The following CD3E variants were observed in gnomAD, a reference collection of about 807,000 sequenced individuals.
The protein encoded by CD3E is T-cell surface glycoprotein CD3 epsilon chain.
Under a neutral mutation model 34.7 loss-of-function variants are expected in CD3E, and 16 were observed. That is an observed-to-expected ratio of 0.46 (90% CI 0.31 to 0.70). CD3E has a LOEUF of 0.70. Ranked by LOEUF, CD3E falls within the 30% of genes least tolerant of loss-of-function variation. CD3E has a pLI of 0.05. For synonymous variants in CD3E, 70 were observed against 90.8 expected (o/e 0.77, Z 1.30); for missense variants, 223 against 253.9 (o/e 0.88, Z 0.83).
chr11:118,308,516 A>G, intron 4 of CD3E, 75 bp downstream of exon 4: 1 of 953,690 alleles, frequency 1.0e-6, no homozygotes, highest in Non-Finnish European at 1.7e-6. Flanking sequence ...CAATCACAGT[A>G]ACAAACCCTG....
chr11:118,313,572 GA>G, intron 6 of CD3E, 134 bp from the exon 7 acceptor site: 2 of 814,326 alleles, frequency 2.5e-6, no homozygotes, highest in South Asian at 1.5e-5. Context: ...TAAACATATT[GA>G]AGGGGGGGCT....
Position 118,312,147 on chromosome 11 carries a change from T to C in CD3E, c.86-6T>C. On this transcript the variant is annotated splice_polypyrimidine_tract_variant and splice_region_variant and intron_variant, in intron 4 of 8. Coordinates refer to ENST00000361763, the MANE Select transcript of CD3E (RefSeq NM_000733.4). ...TCTTACTGCTGTTTCCTTTTTTCAT[T>C]TTCAGGTGGTATTACACAGACACGT... is the stretch of plus-strand genomic sequence containing the variant. The C allele has an allele frequency of 1.1e-5, 17 of 1,611,708 alleles. No individual in the cohort carries two copies. The highest frequency in any genetic ancestry group is 1.4e-5 in the Non-Finnish European group (16 of 1,177,796).
chr11:118,305,027 GGT>G (rs1420464744), intron 2 of CD3E, 26 bp downstream of exon 2: 1 of 1,610,792 alleles, frequency 6.2e-7, no homozygotes, highest in East Asian at 2.2e-5. Context: ...TGGAAAGGGT[GGT>G]GTGTCTCCAG....
intron 4 of CD3E, among the ~76,000 whole-genome samples, chr11:118,309,998 A>G (rs954188652): frequency 3.3e-5 from 5 of 152,254 alleles, no homozygotes; most frequent in African/African-American, 9.6e-5. Flanking sequence ...AAATTAATAA[A>G]TAGAAATTTA....
In CD3E at chr11:118,312,435, G is replaced by A. The variant is rs895047880; in HGVS notation, c.104-183G>A. 97 of 767,214 alleles carry A rather than the reference G, an allele frequency of 1.3e-4. No homozygotes were observed. In the Admixed American group the frequency reaches 2.2e-3, roughly 17 times the overall value. The allele number at this position is 767,214 out of a possible 1,614,324, so 47.5% of individuals were successfully genotyped here. A position where few individuals can be genotyped will look rare whatever the true frequency, so the allele number is the denominator to read the frequency against. ...CTCTAGTTCCCTTCAAGGTTCTCTAGTTCCCTTCATTCCACATATCTCCTC... is the reference window on the plus strand; with the variant it reads ...CTCTAGTTCCCTTCAAGGTTCTCTAATTCCCTTCATTCCACATATCTCCTC... On this transcript the variant is annotated intron_variant, in intron 5 of 8. Transcript: ENST00000361763.
At chr11:118,304,837 G>C (rs1006363400) in intron 1 of CD3E, 57 bp from the exon 2 acceptor site, 2 of 863,762 alleles carry the variant, frequency 2.3e-6, no homozygotes, top group African/African-American at 3.3e-5. Context: ...AATGGCCCCA[G>C]GGTCCTTATC....
intron 1 of CD3E, 52 bp from the exon 2 acceptor site, chr11:118,304,842 C>T (rs1948097045): frequency 4.4e-6 from 4 of 910,416 alleles, no homozygotes; most frequent in Non-Finnish European, 7.4e-6. Context: ...CCCCAGGGTC[C>T]TTATCTCTAG....
At chr11:118,307,094 T>G (rs1948111273) in intron 2 of CD3E, among the ~76,000 whole-genome samples, 194 bp from the exon 3 acceptor site, 1 of 152,086 alleles carries the variant, frequency 6.6e-6, no homozygotes, top group African/African-American at 2.4e-5. Flanking sequence ...CCCCCAAATT[T>G]CCTGGGAACC....
intron 6 of CD3E, chr11:118,313,460 T>G: frequency 1.9e-6 from 1 of 531,760 alleles, no homozygotes. Context: ...CATTTCACGC[T>G]TCTCACAGCT....
intron 2 of CD3E, among the ~76,000 whole-genome samples, chr11:118,306,449 C>G (rs1039665056): frequency 6.6e-6 from 1 of 151,842 alleles, no homozygotes; most frequent in Non-Finnish European, 1.5e-5. Flanking sequence ...AAGCCATGAT[C>G]AAGCCACTGC....
At chr11:118,310,937 G>A (rs997253584) in intron 4 of CD3E, among the ~76,000 whole-genome samples, 7 of 152,154 alleles carry the variant, frequency 4.6e-5, no homozygotes, top group South Asian at 2.1e-4. Context: ...CTGAGCAACT[G>A]GGTCAGAGTT....
rs2134770205 is a variant in CD3E at position 118,315,723 on chromosome 11, A to G, written c.*181A>G. On this transcript the variant is annotated 3_prime_UTR_variant, in exon 9 of 9. Coordinates refer to ENST00000361763, the MANE Select transcript of CD3E (RefSeq NM_000733.4). Reference sequence around the variant, plus strand: ...CTCCCTGCCTTCTCTGCTGGTACCCAGTCCTAAAATATTGCTGCTTCCTCT... The same window carrying G: ...CTCCCTGCCTTCTCTGCTGGTACCCGGTCCTAAAATATTGCTGCTTCCTCT... 1 of 657,526 alleles carries G rather than the reference A, an allele frequency of 1.5e-6. No homozygotes were observed. Among genetic ancestry groups the G allele is most frequent in the South Asian group, 1.7e-5 (1 of 59,236 alleles). 40.7% of individuals were successfully genotyped at this position (657,526 alleles called of 1,614,324 possible).
At chr11:118,311,712 G>A (rs112357143) in intron 4 of CD3E, among the ~76,000 whole-genome samples, 7 of 152,276 alleles carry the variant, frequency 4.6e-5, no homozygotes, top group Middle Eastern at 3.4e-3. Flanking sequence ...GGCCAGTAGC[G>A]CTCCCTTCTG....
At chr11:118,307,086 C>G (rs956190809) in intron 2 of CD3E, among the ~76,000 whole-genome samples, 1 of 152,036 alleles carries the variant, frequency 6.6e-6, no homozygotes, top group African/African-American at 2.4e-5. Context: ...TCTATTTCCC[C>G]CCAAATTTCC....
intron 4 of CD3E, 113 bp from the exon 5 acceptor site, chr11:118,312,040 C>A (rs138278289): frequency 1.8e-5 from 16 of 883,184 alleles, no homozygotes; most frequent in East Asian, 9.6e-5. Flanking sequence ...ATGGATGAGA[C>A]CCTCTTTGGG....
chr11:118,313,627 C>T, intron 6 of CD3E, 80 bp from the exon 7 acceptor site: 4 of 1,351,376 alleles, frequency 3.0e-6, no homozygotes, highest in Non-Finnish European at 4.2e-6. Context: ...GAATGGCCTT[C>T]ATGCACTCCC....
At chr11:118,313,521 C>T (rs962825405) in intron 6 of CD3E, 186 bp from the exon 7 acceptor site, 5 of 642,644 alleles carry the variant, frequency 7.8e-6, no homozygotes, top group Admixed American at 6.6e-5. Context: ...ACTCCAGTGC[C>T]TCTACCCACG....
chr11:118,315,269 C>CT (rs1948160037), intron 8 of CD3E, among the ~76,000 whole-genome samples: 1 of 152,146 alleles, frequency 6.6e-6, no homozygotes, highest in Non-Finnish European at 1.5e-5. Context: ...GAATGTGGGT[C>CT]TTTAAGTTCC....
In CD3E at chr11:118,312,165, AG is replaced by A. The variant is rs1948139048; in HGVS notation, c.99del (p.Thr34HisfsTer12). On this transcript the variant is annotated frameshift_variant, in exon 5 of 9. Transcript: ENST00000361763. LOFTEE classifies it high-confidence loss of function. ...TTTTCATTTTCAGGTGGTATTACAC[AG>A]ACACGTGAGTTTATTGGTCTTTTAT... ...DGNEEMGGIT[Q>X]TPYKVSISGT... is the part of the protein sequence containing the mutation. The A allele has an allele frequency of 6.2e-7, 1 of 1,611,922 alleles. No homozygotes were observed. The highest frequency in any genetic ancestry group is 1.1e-5 in the South Asian group (1 of 91,044).
Sources: gnomAD v4.1 joint callset for allele counts (sites outside exome capture counted in the v4.1 genomes callset) on GRCh38, gnomAD v4.1.1 for gene constraint, MANE v1.5 for transcripts, NCBI Gene and HGNC (gene_info 2026-07-23, HGNC 2026-07-21) for gene names.